HECW1: variants seen among roughly 807,000 people sequenced by gnomAD.
The protein encoded by HECW1 is E3 ubiquitin-protein ligase HECW1.
Under a neutral mutation model 182.3 loss-of-function variants are expected in HECW1, and 61 were observed. The observed-to-expected ratio is 0.33, with a 90% CI of 0.27 to 0.41. The LOEUF is 0.41. Ranked by LOEUF, HECW1 falls within the 10% of genes least tolerant of loss-of-function variation. The pLI is 1.00. For missense variants in HECW1, 1,739 were observed against 2,108.9 expected (o/e 0.82, Z 3.44); for synonymous variants, 859 against 832.6 (o/e 1.03, Z -0.55).
intron 6 of HECW1, among the ~76,000 whole-genome samples, chr7:43,380,152 A>T (rs1236412690): frequency 6.6e-6 from 1 of 152,216 alleles, no homozygotes; most frequent in Non-Finnish European, 1.5e-5. Context: ...TCCTGTGCTC[A>T]AGCAATCCCC....
At chr7:43,318,015 C>CCTGAGAA (rs1809562568) in intron 4 of HECW1, among the ~76,000 whole-genome samples, 1 of 152,046 alleles carries the variant, frequency 6.6e-6, no homozygotes, top group South Asian at 2.1e-4. Context: ...TTAGAAACTC[C>CCTGAGAA]CTGAGAACAT....
intron 24 of HECW1, among the ~76,000 whole-genome samples, chr7:43,529,024 A>G (rs1335932851): frequency 1.3e-5 from 2 of 152,066 alleles, no homozygotes; most frequent in African/African-American, 4.8e-5. Context: ...GGTGTAGAGA[A>G]TAGACCAAAC....
intron 2 of HECW1, among the ~76,000 whole-genome samples, chr7:43,213,489 A>T (rs1237304831): frequency 7.8e-6 from 1 of 127,640 alleles, no homozygotes; most frequent in Non-Finnish European, 1.6e-5. Context: ...TCTGTCGCCC[A>T]GGCTGGAGTG....
chr7:43,418,609 G>T (rs1656706009), intron 8 of HECW1, among the ~76,000 whole-genome samples: 1 of 150,990 alleles, frequency 6.6e-6, no homozygotes, highest in Admixed American at 6.6e-5. Flanking sequence ...TTGCTTCTAT[G>T]CAATGAATAT....
chr7:43,443,276 G>C (rs2076948031), intron 10 of HECW1, among the ~76,000 whole-genome samples: 1 of 152,202 alleles, frequency 6.6e-6, no homozygotes, highest in South Asian at 2.1e-4. Flanking sequence ...ACAAGTTGCT[G>C]TTAAGTCTAA....
intron 3 of HECW1, among the ~76,000 whole-genome samples, chr7:43,311,060 T>C (rs1808438113): frequency 6.6e-6 from 1 of 152,224 alleles, no homozygotes; most frequent in South Asian, 2.1e-4. Flanking sequence ...CTCAAAGTTG[T>C]AAACAATACA....
chr7:43,463,712 G>A lies in HECW1; in HGVS notation c.2704G>A (p.Gly902Ser), dbSNP rs571724779. ...IATERSEEDS[G>S]SQSCEQAPAG... The stretch of plus-strand genomic sequence containing the variant: ...AACAGAGAGGTCCGAAGAAGATTCT[G>A]GCAGCCAAAGCTGCGAGCAAGCCCC... The change falls in exon 14 of 30, where the codon GGC becomes AGC. Residue 902 changes from glycine (G) to serine (S), a missense_variant. Around this residue, in one of 5 missense-constraint regions of HECW1, gnomAD observed 971 missense variants for 1,029.1 expected, o/e 0.94. Coordinates refer to ENST00000395891, the MANE Select transcript of HECW1 (RefSeq NM_015052.5). 1.2e-6 allele frequency: 2 copies of A among 1,613,942 alleles called. No individual in the cohort carries two copies. The highest frequency in any genetic ancestry group is 1.7e-5 in the Admixed American group (1 of 59,998).
chr7:43,453,452 G>A (rs1456182495), intron 12 of HECW1, among the ~76,000 whole-genome samples: 1 of 152,204 alleles, frequency 6.6e-6, no homozygotes, highest in Non-Finnish European at 1.5e-5. Flanking sequence ...GGCAGAGCAG[G>A]TTTTGATGGG....
At chr7:43,440,597 C>G (rs2076855285) in intron 9 of HECW1, 1 of 151,406 alleles carries the variant, frequency 6.6e-6, no homozygotes, top group African/African-American at 2.4e-5. Context: ...GGGTGAAAAG[C>G]AAAAAAAAGA....
At position 43,432,333 on chromosome 7, in the gene HECW1, G is replaced by T. The variant is rs1327805110; in HGVS notation, c.802-5670G>T. 6.6e-6 allele frequency among the ~76,000 whole-genome samples: 1 copy of T among 151,196 alleles called. No individual in the cohort carries two copies. The highest frequency in any genetic ancestry group is 1.5e-5 in the Non-Finnish European group (1 of 67,844). Reference sequence around the variant, plus strand: ...TTTTTGTATTTTTAGTAGAGACGGGGTTTCACCGTTTTAGCCGGGATGGTC... The same window carrying T: ...TTTTTGTATTTTTAGTAGAGACGGGTTTTCACCGTTTTAGCCGGGATGGTC... On this transcript the variant is annotated intron_variant, in intron 8 of 29. Coordinates refer to ENST00000395891, the MANE Select transcript of HECW1 (RefSeq NM_015052.5). The surrounding 1 kb of genome is among the most constrained non-coding windows in gnomAD (Gnocchi z 4.1).
chr7:43,517,221 G>T (rs761748456), intron 24 of HECW1, among the ~76,000 whole-genome samples: 11 of 152,106 alleles, frequency 7.2e-5, no homozygotes, highest in Non-Finnish European at 1.5e-4. Flanking sequence ...TTATGTCTGT[G>T]GTGGTGACGA....
chr7:43,444,754 G>C lies in HECW1; in HGVS notation c.1582G>C (p.Val528Leu). The C allele has an allele frequency of 6.2e-7, 1 of 1,614,004 alleles. No individual in the cohort carries two copies. The highest frequency in any genetic ancestry group is 8.5e-7 in the Non-Finnish European group (1 of 1,179,948). ...GEGRLQLRAS[V>L]KRKSRPCSLP... The stretch of plus-strand genomic sequence containing the variant: ...GGGCAGGCTGCAGCTGCGGGCCTCG[G>C]TGAAGAGAAAAAGCAGGCCCTGCTC... The change falls in exon 11 of 30, where the codon GTG becomes CTG. Residue 528 changes from valine to leucine, a missense_variant. By Grantham distance (32) the Val-to-Leu change is conservative. This residue lies in a region of HECW1 where 971 missense variants were observed against 1,029.1 expected (regional missense o/e 0.94). Coordinates refer to ENST00000395891, the MANE Select transcript of HECW1 (RefSeq NM_015052.5). The surrounding 1 kb of genome is among the most constrained non-coding windows in gnomAD (Gnocchi z 4.3).
intron 20 of HECW1, 30 bp from the exon 21 acceptor site, chr7:43,501,183 C>CTTTTTTTTTTTT (rs567367189): frequency 1.4e-4 from 103 of 746,552 alleles, no homozygotes; most frequent in South Asian, 4.0e-4. Context: ...TCTTTTCTTT[C>CTTTTTTTTTTTT]TTTTTTTTTT....
At chr7:43,524,648 A>C (rs193013392) in intron 24 of HECW1, among the ~76,000 whole-genome samples, 10 of 152,322 alleles carry the variant, frequency 6.6e-5, no homozygotes, top group Admixed American at 5.2e-4. Flanking sequence ...ATTATCCCTT[A>C]TTTGTAGATG....
chr7:43,193,678 G>A (rs1445417407), intron 2 of HECW1, among the ~76,000 whole-genome samples: 3 of 152,040 alleles, frequency 2.0e-5, no homozygotes, highest in Non-Finnish European at 4.4e-5. Context: ...CACCACACCC[G>A]GCCACTTGAT....
chr7:43,241,611 AATGT>A lies in HECW1; in HGVS notation c.-31-2259_-31-2256del, dbSNP rs3138780. On this transcript the variant is annotated intron_variant, in intron 2 of 29. Transcript: ENST00000395891. ...TTTTTCCTCTTCTTTTTACTCTCCT[AATGT>A]ATGTGTGTGTGTGTGTGTGTGTGTG... 849 of 107,662 alleles carry A rather than the reference AATGT, an allele frequency of 7.9e-3. 4 individuals carry two copies. Among genetic ancestry groups the A allele is most frequent in the Middle Eastern group, 0.033 (7 of 214 alleles). The allele number at this position is 107,662 out of a possible 1,614,324, so 6.7% of individuals were successfully genotyped here.
intron 28 of HECW1, among the ~76,000 whole-genome samples, chr7:43,554,110 G>C (rs1010426918): frequency 6.6e-6 from 1 of 152,238 alleles, no homozygotes; most frequent in Non-Finnish European, 1.5e-5. Context: ...GGAGAGCCTG[G>C]GATCTCCTGT....
Position 43,445,513 on chromosome 7 carries a change from G to C in HECW1, c.2341G>C (p.Glu781Gln), listed in dbSNP as rs759091887. Residue 781 changes from glutamate (E) to glutamine (Q), a missense_variant, in exon 11 of 30, where the codon GAA becomes CAA. Glu to Gln is a conservative substitution (Grantham distance 29, BLOSUM62 2). Around this residue, in one of 5 missense-constraint regions of HECW1, gnomAD observed 971 missense variants for 1,029.1 expected, o/e 0.94. Transcript: ENST00000395891. ...DELAAPSGHV[E>Q]RSPEGLESPV... ...GCTGGCCGCCCCTAGCGGGCACGTG[G>C]AAAGAAGCCCGGAAGGTCTGGAATC... The C allele has an allele frequency of 1.2e-6, 2 of 1,610,878 alleles. No homozygotes were observed. The highest frequency in any genetic ancestry group is 2.2e-5 in the South Asian group (2 of 90,998).
chr7:43,295,084 A>G (rs1406579540), intron 3 of HECW1, among the ~76,000 whole-genome samples: 2 of 152,178 alleles, frequency 1.3e-5, no homozygotes, highest in African/African-American at 4.8e-5. Context: ...CTGAATACAC[A>G]ATTTACAGGA....
Sources: gnomAD v4.1 joint callset for allele counts (sites outside exome capture counted in the v4.1 genomes callset) on GRCh38, gnomAD v4.1.1 for gene constraint, gnomAD v4.1.1 regional missense constraint, Gnocchi (gnomAD v3.1) non-coding constraint, MANE v1.5 for transcripts, NCBI Gene and HGNC (gene_info 2026-07-23, HGNC 2026-07-21) for gene names.